The following SZT2 variants were observed in gnomAD, a reference collection of about 807,000 sequenced individuals.
SZT2 encodes the protein KICSTOR complex protein SZT2.
In SZT2, 216 loss-of-function variants were observed where a neutral mutation model predicts 404.2. The ratio of observed to expected loss-of-function variants is 0.53; its 90% CI spans 0.48 to 0.60. The LOEUF is 0.60. Ranked by LOEUF, SZT2 falls within the 20% of genes least tolerant of loss-of-function variation. SZT2 has a pLI of 0.00. For missense variants in SZT2, 3,857 were observed against 4,459.2 expected, an observed-to-expected ratio of 0.86 and a Z score of 3.85; for synonymous variants, 1,693 against 1,749.9, an observed-to-expected ratio of 0.97 and a Z score of 0.81.
chr1:43,446,079 C>G, intron 63 of SZT2, 95 bp downstream of exon 63: 1 of 1,579,562 alleles, frequency 6.3e-7, no homozygotes, highest in South Asian at 1.1e-5. Context: ...GGTCACTGAT[C>G]CCAGACTGAC....
chr1:43,440,633 C>T, intron 52 of SZT2, 47 bp downstream of exon 52: 2 of 1,503,486 alleles, frequency 1.3e-6, no homozygotes, highest in African/African-American at 1.4e-5. Flanking sequence ...CTGCCTGCCT[C>T]CTAGCTCCTC....
rs1193463335 is a variant in SZT2, at chr1:43,433,140, G to T, written c.5754G>T (p.Trp1918Cys). The T allele has an allele frequency of 6.2e-7, 1 of 1,614,080 alleles. No homozygotes were observed. Among genetic ancestry groups the T allele is most frequent in the Non-Finnish European group, 8.5e-7 (1 of 1,180,020 alleles). Residue 1918 changes from tryptophan to cysteine, a missense_variant, in exon 40 of 72, where the codon TGG (tryptophan) becomes TGT (cysteine). Physicochemically the swap from Trp to Cys is radical, Grantham distance 215. Transcript: ENST00000634258. ...GLPGPCLPDF[W>C]LIVRVLQDRV... The stretch of plus-strand genomic sequence containing the variant: ...CTGGGCCCTGCCTGCCTGACTTCTG[G>T]CTCATTGTCCGGGTCCTGCAGGACC...
chr1:43,419,656 C>G, intron 7 of SZT2, 78 bp from the exon 8 acceptor site: 1 of 1,237,800 alleles, frequency 8.1e-7, no homozygotes. Flanking sequence ...AGCCACCTAG[C>G]CCAGTCTCTT....
At chr1:43,403,125 C>A in intron 1 of SZT2, 52 bp from the exon 2 acceptor site, 1 of 1,595,766 alleles carries the variant, frequency 6.3e-7, no homozygotes, top group Non-Finnish European at 8.6e-7. Flanking sequence ...CTGTGTGTTC[C>A]AGGTACTCGG....
At chr1:43,431,151 G>C in intron 33 of SZT2, 61 bp downstream of exon 33, 1 of 1,590,802 alleles carries the variant, frequency 6.3e-7, no homozygotes, top group Non-Finnish European at 8.6e-7. Context: ...ACCACTAAGC[G>C]AATCTAGAGC....
At chr1:43,398,407 G>A (rs1230620775) in intron 1 of SZT2, among the ~76,000 whole-genome samples, 6 of 152,170 alleles carry the variant, frequency 3.9e-5, no homozygotes, top group Non-Finnish European at 4.4e-5. Context: ...AATTAGGATA[G>A]CCTTCCTATT....
chr1:43,416,203 A>C, intron 6 of SZT2, 102 bp downstream of exon 6: 1 of 1,420,498 alleles, frequency 7.0e-7, no homozygotes, highest in Non-Finnish European at 9.4e-7. Context: ...AGTGGGCCCC[A>C]GGGAAGAGGA....
chr1:43,442,308 G>A lies in SZT2; in HGVS notation c.7914G>A (p.Gly2638=). 1.2e-6 allele frequency: 2 copies of A among 1,614,098 alleles called. No individual in the cohort carries two copies. Among genetic ancestry groups the A allele is most frequent in the African/African-American group, 2.7e-5 (2 of 75,032 alleles). The change falls in exon 57 of 72, where the codon GGG becomes GGA. Residue 2638 remains glycine, a synonymous_variant. Transcript: ENST00000634258. This position sits in a 1 kb window ranked among gnomAD's most constrained non-coding sequence, Gnocchi z 4.5. ...AMQRFEPGGD[G]SSGRNAPRQR... ...AGCGCTTCGAGCCAGGAGGTGATGG[G>A]AGCTCAGGGCGAAATGCTCCCCGGC...
intron 3 of SZT2, 96 bp downstream of exon 3, chr1:43,403,870 C>A: frequency 7.2e-7 from 1 of 1,386,388 alleles, no homozygotes; most frequent in Non-Finnish European, 1.0e-6. Context: ...TCCCAGCCTA[C>A]CATTTTGGAG....
At chr1:43,428,750 G>A (rs1653494387) in intron 28 of SZT2, 1 of 482,478 alleles carries the variant, frequency 2.1e-6, no homozygotes, top group Non-Finnish European at 3.8e-6. Flanking sequence ...GTCCCCTGGT[G>A]CTAACCGTGA....
rs1019716173 is a variant in SZT2 at position 43,453,641 on chromosome 1, G to A, written c.*3161G>A. 17 of 1,491,924 alleles carry A rather than the reference G, an allele frequency of 1.1e-5. No individual in the cohort carries two copies. In the South Asian group the frequency reaches 1.1e-4, roughly 10 times the overall value. 92.4% of individuals were successfully genotyped at this position (1,491,924 alleles called of 1,614,324 possible). A position where few individuals can be genotyped will look rare whatever the true frequency, so the allele number is the denominator to read the frequency against. ...CAAGCCGCAGCCCCGCTTCTCGCGC[G>A]GCGCGCGCCAGCGCCTCAGGCGTCT... On this transcript the variant is annotated 3_prime_UTR_variant, in exon 72 of 72. Coordinates refer to ENST00000634258, the MANE Select transcript of SZT2 (RefSeq NM_001365999.1).
rs1653040525 is a variant in SZT2 at position 43,425,550 on chromosome 1, G to T, written c.2722G>T (p.Val908Leu). 6.2e-7 allele frequency: 1 copy of T among 1,614,216 alleles called. No individual in the cohort carries two copies. The highest frequency in any genetic ancestry group is 8.5e-7 in the Non-Finnish European group (1 of 1,180,042). The change falls in exon 19 of 72, where the codon GTG becomes TTG. Residue 908 changes from valine to leucine, a missense_variant. Around this residue, in one of 7 missense-constraint regions of SZT2, gnomAD observed 1,725 missense variants for 1,881.0 expected, o/e 0.92. Transcript: ENST00000634258. This position sits in a 1 kb window ranked among gnomAD's most constrained non-coding sequence, Gnocchi z 4.3. ...CTCAGAGCTCAATCTGGTCACTGAG[G>T]TGTGGGTGGAGCCACAGTATGGGCG... ...GDSELNLVTE[V>L]WVEPQYGRVG...
chr1:43,427,196 TC>T lies in SZT2; in HGVS notation c.3433+19del. 1 of 1,613,366 alleles carries T rather than the reference TC, an allele frequency of 6.2e-7. No individual in the cohort carries two copies. Among genetic ancestry groups the T allele is most frequent in the Non-Finnish European group, 8.5e-7 (1 of 1,179,650 alleles). On this transcript the variant is annotated intron_variant, in intron 24 of 71. Transcript: ENST00000634258. ...CCTTCTCAGGTGCCAGCTGCTGACC[TC>T]CTCACGAACCCCCTCAGATACAAAC...
At position 43,441,166 on chromosome 1, in the gene SZT2, C is replaced by T. The variant is rs201054547; in HGVS notation, c.7345-48C>T. The T allele has an allele frequency of 3.9e-4, 622 of 1,594,730 alleles. 1 individual carries two copies. The East Asian group carries it at 4.9e-3, about 12-fold the overall frequency. ...TGTTCCATAGTGCCCCCATCCCACA[C>T]CTTTCCTCTTCCCAGTAGCCCTTCC... On this transcript the variant is annotated intron_variant, in intron 52 of 71. Coordinates refer to ENST00000634258, the MANE Select transcript of SZT2 (RefSeq NM_001365999.1). This position sits in a 1 kb window ranked among gnomAD's most constrained non-coding sequence, Gnocchi z 4.8.
Position 43,415,999 on chromosome 1 carries a change from C to A in SZT2, c.670C>A (p.Arg224=). The change falls in exon 6 of 72, where the codon CGG becomes AGG. Residue 224 remains arginine, a synonymous_variant. Coordinates refer to ENST00000634258, the MANE Select transcript of SZT2 (RefSeq NM_001365999.1). ...QSPDSGDLLG[R]KVGVSMVTAD... ...CCCAGACTCAGGGGACCTACTGGGC[C>A]GGAAGGTAGGCGTCTCCATGGTGAC... 1 of 1,598,112 alleles carries A rather than the reference C, an allele frequency of 6.3e-7. No individual in the cohort carries two copies. Among genetic ancestry groups the A allele is most frequent in the Non-Finnish European group, 8.5e-7 (1 of 1,179,682 alleles).
chr1:43,451,650 A>C lies in SZT2; in HGVS notation c.*1170A>C, dbSNP rs746943963. ...AGGGCAAAGGAAGGTCCTCTCACCA[A>C]CAATGGGCAGGAACTCCCGGATGTT... is the stretch of plus-strand genomic sequence containing the variant. On this transcript the variant is annotated 3_prime_UTR_variant, in exon 72 of 72. Coordinates refer to ENST00000634258, the MANE Select transcript of SZT2 (RefSeq NM_001365999.1). 6 of 1,614,188 alleles carry C rather than the reference A, an allele frequency of 3.7e-6. No individual in the cohort carries two copies. The Admixed American group carries it at 1.0e-4, about 27-fold the overall frequency.
In SZT2 at chr1:43,424,948, G is replaced by A. The variant is rs1185732934; in HGVS notation, c.2550+86G>A. 27 of 1,520,782 alleles carry A rather than the reference G, an allele frequency of 1.8e-5. No homozygotes were observed. Among genetic ancestry groups the A allele is most frequent in the Non-Finnish European group, 2.0e-5 (22 of 1,098,510 alleles). 94.2% of individuals were successfully genotyped at this position (1,520,782 alleles called of 1,614,324 possible). Reference sequence around the variant, plus strand: ...ACCTCTGAGCTGGGTTGGGACTGCTGGAAACTGCCTCACAGGGACCCTGTG... The same window carrying A: ...ACCTCTGAGCTGGGTTGGGACTGCTAGAAACTGCCTCACAGGGACCCTGTG... On this transcript the variant is annotated intron_variant, in intron 17 of 71. Coordinates refer to ENST00000634258, the MANE Select transcript of SZT2 (RefSeq NM_001365999.1). The surrounding 1 kb of genome is among the most constrained non-coding windows in gnomAD (Gnocchi z 4.1).
In SZT2 at chr1:43,409,390, C is replaced by T. The variant is rs145148833; in HGVS notation, c.498+4840C>T. Reference sequence around the variant, plus strand: ...AGGGGGATAAGGAGAGGATTTTGAGCGTAAAAGAGAGAAAAGTGAAGGTCT... The same window carrying T: ...AGGGGGATAAGGAGAGGATTTTGAGTGTAAAAGAGAGAAAAGTGAAGGTCT... On this transcript the variant is annotated intron_variant, in intron 4 of 71. Transcript: ENST00000634258. 3.9e-3 allele frequency: 1,085 copies of T among 278,548 alleles called. 11 individuals carry two copies. Among genetic ancestry groups the T allele is most frequent in the African/African-American group, 0.023 (1,005 of 44,620 alleles). The allele number at this position is 278,548 out of a possible 1,614,324, so 17.3% of individuals were successfully genotyped here.
intron 1 of SZT2, among the ~76,000 whole-genome samples, chr1:43,401,541 C>CA (rs1649685956): frequency 1.3e-5 from 2 of 152,058 alleles, no homozygotes; most frequent in South Asian, 4.1e-4. Context: ...GGATGGAGTG[C>CA]AGTGGTGTGA....
Sources: gnomAD v4.1 joint callset for allele counts (sites outside exome capture counted in the v4.1 genomes callset) on GRCh38, gnomAD v4.1.1 for gene constraint, gnomAD v4.1.1 regional missense constraint, Gnocchi (gnomAD v3.1) non-coding constraint, MANE v1.5 for transcripts, NCBI Gene and HGNC (gene_info 2026-07-23, HGNC 2026-07-21) for gene names.